The following C6orf163 variants were observed in gnomAD, a reference collection of about 807,000 sequenced individuals.
The protein encoded by C6orf163 is uncharacterized protein C6orf163.
In C6orf163, 22 loss-of-function variants were observed where a neutral mutation model predicts 28.4. The observed-to-expected ratio is 0.78, with a 90% CI of 0.55 to 1.11. C6orf163 has a LOEUF of 1.11. C6orf163 is among the 50% of genes least tolerant of loss of function. The probability of loss-of-function intolerance (pLI) is 0.00; values close to 1 mark genes in which losing one functional copy is unlikely to be tolerated. For missense variants in C6orf163, 342 were observed against 389.1 expected, an observed-to-expected ratio of 0.88 and a Z score of 1.02; for synonymous variants, 110 against 123.6, an observed-to-expected ratio of 0.89 and a Z score of 0.73.
chr6:87,348,461 G>T, intron 1 of C6orf163: 1 of 1,009,768 alleles, frequency 9.9e-7, no homozygotes, highest in Non-Finnish European at 1.2e-6. Flanking sequence ...GGGAGAGAGA[G>T]AGCTGTATAA....
At chr6:87,352,664 A>G (rs1378089402) in intron 3 of C6orf163, among the ~76,000 whole-genome samples, 1 of 152,236 alleles carries the variant, frequency 6.6e-6, no homozygotes, top group Non-Finnish European at 1.5e-5. Context: ...AAAATATAGT[A>G]AAGTCATAGG....
chr6:87,344,994 T>C lies in C6orf163; in HGVS notation c.-106T>C. 1.1e-6 allele frequency: 1 copy of C among 897,726 alleles called. No individual in the cohort carries two copies. Among genetic ancestry groups the C allele is most frequent in the Non-Finnish European group, 1.6e-6 (1 of 606,582 alleles). 55.6% of individuals were successfully genotyped at this position (897,726 alleles called of 1,614,324 possible). A position where few individuals can be genotyped will look rare whatever the true frequency, so the allele number is the denominator to read the frequency against. On this transcript the variant is annotated 5_prime_UTR_variant, in exon 1 of 5. Coordinates refer to ENST00000388923, the MANE Select transcript of C6orf163 (RefSeq NM_001010868.3). ...AGCCTCTAGCATTATCCTAAAACCC[T>C]GAACCTCTTCCAGCTTTCTTAAACT...
rs1191380698 is a variant in C6orf163 at position 87,350,892 on chromosome 6, AC to A, written c.351+392del. On this transcript the variant is annotated intron_variant, in intron 3 of 4. Coordinates refer to ENST00000388923, the MANE Select transcript of C6orf163 (RefSeq NM_001010868.3). Reference sequence around the variant, plus strand: ...GCAGGGGTGTCTGTCTCATCACTGGACTAGCCCTGGTGCCCAGCACAATTCC... The same window carrying A: ...GCAGGGGTGTCTGTCTCATCACTGGATAGCCCTGGTGCCCAGCACAATTCC... 2.6e-5 allele frequency among the ~76,000 whole-genome samples: 4 copies of A among 152,346 alleles called. No individual in the cohort carries two copies. In the South Asian group the frequency reaches 6.2e-4, roughly 24 times the overall value.
chr6:87,350,555 G>C (rs536757019), intron 3 of C6orf163, 54 bp downstream of exon 3: 1 of 1,055,814 alleles, frequency 9.5e-7, no homozygotes, highest in African/African-American at 1.6e-5. Flanking sequence ...TTAGTAAAAA[G>C]AAAAGTTGGC....
At position 87,365,246 on chromosome 6, in the gene C6orf163, G is replaced by A; in HGVS notation, c.840G>A (p.Glu280=). 1 of 1,551,636 alleles carries A rather than the reference G, an allele frequency of 6.4e-7. No homozygotes were observed. The highest frequency in any genetic ancestry group is 8.7e-7 in the Non-Finnish European group (1 of 1,146,962). The change falls in exon 5 of 5, where the codon GAG becomes GAA. Residue 280 remains glutamate, a synonymous_variant. Coordinates refer to ENST00000388923, the MANE Select transcript of C6orf163 (RefSeq NM_001010868.3). ...IMTNWKDFLE[E]ELQETRMAFQ... is the part of the protein sequence containing the mutation. ...CAAATTGGAAAGATTTCCTAGAGGA[G>A]GAATTACAGGAAACCAGGATGGCAT...
chr6:87,360,237 GTTCT>G (rs1464244736), intron 4 of C6orf163, among the ~76,000 whole-genome samples: 1 of 151,690 alleles, frequency 6.6e-6, no homozygotes, highest in Admixed American at 6.6e-5. Context: ...TTCTTTCACA[GTTCT>G]TTCTCATATG....
chr6:87,362,755 T>C (rs1242024935), intron 4 of C6orf163, among the ~76,000 whole-genome samples: 2 of 152,116 alleles, frequency 1.3e-5, no homozygotes, highest in East Asian at 3.9e-4. Context: ...ATGAGAGAAT[T>C]GCATCTTGGA....
At chr6:87,348,001 C>G (rs556651522) in intron 1 of C6orf163, 39 of 571,068 alleles carry the variant, frequency 6.8e-5, no homozygotes, top group Non-Finnish European at 7.7e-5. Flanking sequence ...ACTAAAAATA[C>G]AAAAATTAGT....
chr6:87,352,948 T>C (rs1238405573), intron 3 of C6orf163, among the ~76,000 whole-genome samples: 1 of 152,120 alleles, frequency 6.6e-6, no homozygotes, highest in African/African-American at 2.4e-5. Context: ...TCTTACAATA[T>C]CTCAAAACGT....
intron 1 of C6orf163, chr6:87,348,470 A>C: frequency 9.8e-7 from 1 of 1,025,234 alleles, no homozygotes; most frequent in South Asian, 4.0e-5. Context: ...AGAGCTGTAT[A>C]ATGTGCTAAG....
intron 3 of C6orf163, among the ~76,000 whole-genome samples, chr6:87,354,140 T>G (rs1777461325): frequency 6.6e-6 from 1 of 152,174 alleles, no homozygotes; most frequent in Non-Finnish European, 1.5e-5. Flanking sequence ...ATTATAGGCA[T>G]GAGCCACCAC....
intron 4 of C6orf163, chr6:87,359,166 G>A (rs1316023736): frequency 3.3e-5 from 5 of 152,294 alleles, no homozygotes; most frequent in Non-Finnish European, 1.5e-5. Flanking sequence ...CAAAGTCCTG[G>A]AAAGATCAAG....
intron 1 of C6orf163, chr6:87,347,573 T>A (rs1388580422): frequency 1.0e-6 from 1 of 985,328 alleles, no homozygotes; most frequent in Non-Finnish European, 1.2e-6. Context: ...CCTGTGTTTT[T>A]AAGATTCGCT....
At chr6:87,359,654 C>A (rs1215994636) in intron 4 of C6orf163, among the ~76,000 whole-genome samples, 2 of 152,132 alleles carry the variant, frequency 1.3e-5, no homozygotes, top group African/African-American at 4.8e-5. Flanking sequence ...TTTATTTTTT[C>A]CCTATTAGTT....
chr6:87,356,130 C>A, intron 3 of C6orf163, 171 bp from the exon 4 acceptor site: 1 of 603,604 alleles, frequency 1.7e-6, no homozygotes, highest in Non-Finnish European at 2.9e-6. Flanking sequence ...GTTCACCTAA[C>A]ATCATATAAA....
chr6:87,363,163 A>G (rs1303169420), intron 4 of C6orf163, among the ~76,000 whole-genome samples: 1 of 152,148 alleles, frequency 6.6e-6, no homozygotes, highest in Non-Finnish European at 1.5e-5. Flanking sequence ...TGGACATGGT[A>G]AGAGGTCAAC....
At chr6:87,361,274 AC>A (rs1291111785) in intron 4 of C6orf163, among the ~76,000 whole-genome samples, 2 of 151,966 alleles carry the variant, frequency 1.3e-5, no homozygotes, top group Admixed American at 6.6e-5. Flanking sequence ...ACAGAGTGGG[AC>A]CCTGTTTAAA....
At chr6:87,346,168 C>A (rs539738592) in intron 1 of C6orf163, among the ~76,000 whole-genome samples, 1 of 152,136 alleles carries the variant, frequency 6.6e-6, no homozygotes, top group South Asian at 2.1e-4. Flanking sequence ...AGAACTCTCA[C>A]AATACTTCTC....
At position 87,365,029 on chromosome 6, in the gene C6orf163, G is replaced by A. The variant is rs756871957; in HGVS notation, c.623G>A (p.Arg208Gln). ...VIKDEKTSVA[R>Q]LMREKEHEMS... is the part of the protein sequence containing the mutation. ...AAGGATGAGAAGACCAGTGTGGCCCGACTGATGAGGGAAAAAGAACATGAA... is the reference window on the plus strand; with the variant it reads ...AAGGATGAGAAGACCAGTGTGGCCCAACTGATGAGGGAAAAAGAACATGAA... The change falls in exon 5 of 5, where the codon CGA (arginine) becomes CAA (glutamine). Residue 208 changes from arginine (R) to glutamine (Q), a missense_variant. Transcript: ENST00000388923. The A allele has an allele frequency of 6.6e-5, 102 of 1,551,518 alleles. No homozygotes were observed. The highest frequency in any genetic ancestry group is 8.7e-5 in the Non-Finnish European group (100 of 1,146,964).
Sources: allele counts gnomAD v4.1 joint callset (sites outside exome capture counted in the v4.1 genomes callset), GRCh38; gene constraint gnomAD v4.1.1; transcripts MANE v1.5; gene names NCBI Gene and HGNC (gene_info 2026-07-23, HGNC 2026-07-21).